Variants in CASP8 observed in about 807,000 individuals in gnomAD.
CASP8 encodes the protein caspase-8.
A neutral mutation model predicts 46.3 loss-of-function variants in CASP8; 24 were observed. The ratio of observed to expected loss-of-function variants is 0.52; its 90% CI spans 0.38 to 0.73. CASP8 has a LOEUF of 0.73. Among genes scored for constraint, CASP8 ranks in the 30% least tolerant of loss-of-function variants. The pLI, the probability that CASP8 is intolerant of heterozygous loss-of-function variation, is 0.00. For synonymous variants in CASP8, 188 were observed against 200.4 expected, an observed-to-expected ratio of 0.94 and a Z score of 0.52; for missense variants, 460 against 559.0, an observed-to-expected ratio of 0.82 and a Z score of 1.79.
upstream of CASP8, among the ~76,000 whole-genome samples, chr2:201,256,607 G>C (rs928199466): frequency 1.3e-5 from 2 of 152,208 alleles, no homozygotes; most frequent in African/African-American, 4.8e-5. Flanking sequence ...TGGAGAAAGG[G>C]AGTTAGTATG....
chr2:201,277,591 G>A, intron 7 of CASP8: 1 of 300,102 alleles, frequency 3.3e-6, no homozygotes, highest in Non-Finnish European at 6.5e-6. Flanking sequence ...TGGAAATAGT[G>A]TTTATCAGGC....
chr2:201,250,254 C>G (rs1946719289), intron 2 of CASP8, among the ~76,000 whole-genome samples: 1 of 152,216 alleles, frequency 6.6e-6, no homozygotes, highest in Non-Finnish European at 1.5e-5. Context: ...GTCAGAAAAC[C>G]CTTCCTGCAC....
At chr2:201,239,085 T>C (rs566581961) in intron 2 of CASP8, among the ~76,000 whole-genome samples, 141 of 152,110 alleles carry the variant, frequency 9.3e-4, no homozygotes, top group Non-Finnish European at 1.2e-3. Flanking sequence ...GGGTTGGGGG[T>C]AAGGTCACAG....
At chr2:201,283,088 G>A (rs1337197171) in intron 7 of CASP8, among the ~76,000 whole-genome samples, 15 of 62,106 alleles carry the variant, frequency 2.4e-4, no homozygotes, top group African/African-American at 7.2e-4. Context: ...CTGGCCGGGC[G>A]GGGGGCTGAC....
chr2:201,258,523 GC>G, upstream of CASP8: 1 of 956,704 alleles, frequency 1.0e-6, no homozygotes, highest in Non-Finnish European at 1.6e-6. Context: ...GTGCTGCCTG[GC>G]CCAGGTCTCC....
intron 2 of CASP8, among the ~76,000 whole-genome samples, chr2:201,244,535 C>G (rs1946429789): frequency 6.6e-6 from 1 of 152,052 alleles, no homozygotes; most frequent in Admixed American, 6.6e-5. Context: ...GGGAGGTGGG[C>G]TGTAATCTGG....
intron 5 of CASP8, 90 bp from the exon 6 acceptor site, chr2:201,274,799 C>A: frequency 9.8e-7 from 1 of 1,023,278 alleles, no homozygotes; most frequent in Admixed American, 1.9e-5. Context: ...TTAAAAAAGA[C>A]CTTATGTTGT....
At chr2:201,270,879 A>G (rs1948199227) in intron 2 of CASP8, among the ~76,000 whole-genome samples, 1 of 152,136 alleles carries the variant, frequency 6.6e-6, no homozygotes, top group African/African-American at 2.4e-5. Flanking sequence ...ACTAAGTCAT[A>G]GTGGAGTGAA....
chr2:201,273,025 C>A, intron 5 of CASP8, 83 bp downstream of exon 5: 17 of 1,074,946 alleles, frequency 1.6e-5, no homozygotes, highest in Non-Finnish European at 2.3e-5. Context: ...CCTTCTACCA[C>A]ATGCACATCT....
chr2:201,258,325 GAGTTAGGC>G, upstream of CASP8: 1 of 1,614,108 alleles, frequency 6.2e-7, no homozygotes, highest in Non-Finnish European at 8.5e-7. Flanking sequence ...TGAGCACGTG[GAGTTAGGC>G]AGGTTAGGGG....
chr2:201,280,587 C>A, intron 7 of CASP8, among the ~76,000 whole-genome samples: 1 of 152,282 alleles, frequency 6.6e-6, no homozygotes, highest in African/African-American at 2.4e-5. Context: ...ACTCTATAAA[C>A]TAAAGACTCA....
intron 2 of CASP8, among the ~76,000 whole-genome samples, chr2:201,235,014 T>C (rs1424190696): frequency 6.6e-6 from 1 of 152,210 alleles, no homozygotes; most frequent in Non-Finnish European, 1.5e-5. Context: ...ACTAACAGAA[T>C]TGATTTTATG....
intron 7 of CASP8, among the ~76,000 whole-genome samples, chr2:201,281,322 TA>T (rs993255649): frequency 6.6e-6 from 1 of 151,884 alleles, no homozygotes; most frequent in African/African-American, 2.4e-5. Flanking sequence ...TAAAAAAAAT[TA>T]AAAAAATAAA....
At chr2:201,275,506 G>A (rs527535132) in intron 6 of CASP8, among the ~76,000 whole-genome samples, 3 of 152,302 alleles carry the variant, frequency 2.0e-5, no homozygotes, top group Non-Finnish European at 2.9e-5. Context: ...TAGACGATCT[G>A]CTCCTCCTCA....
intron 2 of CASP8, among the ~76,000 whole-genome samples, chr2:201,271,101 C>G (rs1436660324): frequency 6.6e-6 from 1 of 152,126 alleles, no homozygotes; most frequent in Non-Finnish European, 1.5e-5. Flanking sequence ...GAATGCTTGG[C>G]CGTCTTACTG....
At chr2:201,276,025 T>G (rs1278911772) in intron 6 of CASP8, among the ~76,000 whole-genome samples, 1 of 152,200 alleles carries the variant, frequency 6.6e-6, no homozygotes, top group Non-Finnish European at 1.5e-5. Flanking sequence ...GATAACAGGT[T>G]ATTTGCCCAA....
chr2:201,269,464 G>A (rs1351649930), intron 2 of CASP8: 2 of 1,365,214 alleles, frequency 1.5e-6, no homozygotes, highest in Non-Finnish European at 1.0e-6. Context: ...AACAAGGAAA[G>A]CCGAGGGGGG....
In CASP8 at chr2:201,285,407, T is replaced by C. The variant is rs367670340; in HGVS notation, c.1304+90T>C. The C allele has an allele frequency of 2.4e-5, 35 of 1,472,204 alleles. 1 individual carries two copies. The East Asian group carries it at 3.4e-4, about 14-fold the overall frequency. 91.2% of individuals were successfully genotyped at this position (1,472,204 alleles called of 1,614,324 possible). A position where few individuals can be genotyped will look rare whatever the true frequency, so the allele number is the denominator to read the frequency against. On this transcript the variant is annotated intron_variant, in intron 8 of 8. Transcript: ENST00000673742. ...ACTATCTACTCATATTCAGAGCCTA[T>C]TAGAAAGTGCTATGTGATTTAGATC...
At chr2:201,268,569 G>A (rs34464214) in intron 2 of CASP8, among the ~76,000 whole-genome samples, 30 of 152,118 alleles carry the variant, frequency 2.0e-4, no homozygotes, top group African/African-American at 6.7e-4. Context: ...AAAAGAAAGA[G>A]ATATTCTGGG....
Sources: allele counts gnomAD v4.1 joint callset (sites outside exome capture counted in the v4.1 genomes callset), GRCh38; gene constraint gnomAD v4.1.1; transcripts MANE v1.5; gene names NCBI Gene and HGNC (gene_info 2026-07-23, HGNC 2026-07-21).